The following IL15 variants were observed in gnomAD, a reference collection of about 807,000 sequenced individuals.
IL15 encodes interleukin-15.
A neutral mutation model predicts 19.6 loss-of-function variants in IL15; 11 were observed. The observed-to-expected ratio is 0.56, with a 90% CI of 0.35 to 0.93. IL15 has a LOEUF of 0.93. Among genes scored for constraint, IL15 ranks in the 40% least tolerant of loss-of-function variants. The pLI is 0.01. For synonymous variants in IL15, 58 were observed against 59.6 expected (o/e 0.97, Z 0.12); for missense variants, 197 against 186.5 (o/e 1.06, Z -0.33).
At chr4:141,641,764 A>G (rs1011452592) in intron 1 of IL15, among the ~76,000 whole-genome samples, 2 of 151,518 alleles carry the variant, frequency 1.3e-5, no homozygotes, top group Non-Finnish European at 2.9e-5. Flanking sequence ...TGGGTGCAGC[A>G]CACCAACATG....
intron 5 of IL15, among the ~76,000 whole-genome samples, chr4:141,727,117 A>G (rs946554376): frequency 6.6e-6 from 1 of 152,162 alleles, no homozygotes; most frequent in African/African-American, 2.4e-5. Flanking sequence ...ATATTAATAT[A>G]TGATGATGGG....
rs753218819 is a variant in IL15 at position 141,721,218 on chromosome 4, G to C, written c.110+652G>C. 3 of 810,726 alleles carry C rather than the reference G, an allele frequency of 3.7e-6. No homozygotes were observed. In the South Asian group the frequency reaches 4.2e-5, roughly 11 times the overall value. The allele number at this position is 810,726 out of a possible 1,614,324, so 50.2% of individuals were successfully genotyped here. A position where few individuals can be genotyped will look rare whatever the true frequency, so the allele number is the denominator to read the frequency against. ...AAGACAGATTAGTGTTGACTATCAT[G>C]CTTCTGTGTAAGATCCATCAGGAAG... On this transcript the variant is annotated intron_variant, in intron 4 of 7. Coordinates refer to ENST00000320650, the MANE Select transcript of IL15 (RefSeq NM_000585.5).
At chr4:141,689,028 C>G (rs1728804580) in intron 2 of IL15, 2 of 153,922 alleles carry the variant, frequency 1.3e-5, no homozygotes, top group Admixed American at 1.3e-4. Context: ...AAGCTACAGA[C>G]CTTCGCGGTG....
At chr4:141,664,800 A>C (rs1727914599) in intron 2 of IL15, among the ~76,000 whole-genome samples, 3 of 152,186 alleles carry the variant, frequency 2.0e-5, no homozygotes, top group Admixed American at 2.0e-4. Context: ...TGGGACAGGA[A>C]TTGAAGCCTA....
rs550219795 is a variant in IL15, at chr4:141,725,749, A to T, written c.196-2191A>T. Among the ~76,000 whole-genome samples, 3 of 152,312 alleles carry T rather than the reference A, an allele frequency of 2.0e-5. No homozygotes were observed. The South Asian group carries it at 6.2e-4, about 32-fold the overall frequency. On this transcript the variant is annotated intron_variant, in intron 5 of 7. Transcript: ENST00000320650. ...GTTTTTCTGCTAGGACTGGAAACTA[A>T]GCAGGGATATCTTCTCTCACCACTT...
intron 1 of IL15, among the ~76,000 whole-genome samples, chr4:141,648,865 G>A (rs1727314796): frequency 1.3e-5 from 2 of 152,036 alleles, no homozygotes; most frequent in African/African-American, 4.8e-5. Context: ...AAACCAAAGA[G>A]GCTAACAGCA....
intron 2 of IL15, among the ~76,000 whole-genome samples, chr4:141,660,428 T>C (rs1727747783): frequency 6.6e-6 from 1 of 152,156 alleles, no homozygotes; most frequent in Admixed American, 6.5e-5. Context: ...AGTTAAAGCT[T>C]TTAATTTTGT....
chr4:141,693,842 A>G (rs1309243980), intron 2 of IL15, among the ~76,000 whole-genome samples: 1 of 152,216 alleles, frequency 6.6e-6, no homozygotes, highest in Non-Finnish European at 1.5e-5. Flanking sequence ...TAGCACATAT[A>G]GACTATTTTT....
intron 2 of IL15, among the ~76,000 whole-genome samples, chr4:141,684,325 G>A (rs1305839820): frequency 6.6e-6 from 1 of 152,086 alleles, no homozygotes; most frequent in East Asian, 1.9e-4. Flanking sequence ...ATAGGTAAAC[G>A]ACTGGTCTGA....
chr4:141,655,338 G>A (rs895685444), intron 1 of IL15, among the ~76,000 whole-genome samples: 4 of 151,354 alleles, frequency 2.6e-5, no homozygotes, highest in Admixed American at 6.6e-5. Flanking sequence ...AATTTAAGGC[G>A]GTATTATACA....
chr4:141,729,150 T>A (rs369046057), intron 6 of IL15, among the ~76,000 whole-genome samples: 3 of 152,280 alleles, frequency 2.0e-5, no homozygotes, highest in South Asian at 2.1e-4. Flanking sequence ...TCATTTTTTT[T>A]ATCCATTCAG....
intron 1 of IL15, 114 bp downstream of exon 1, chr4:141,636,862 C>G (rs1291902396): frequency 6.6e-6 from 1 of 152,336 alleles, no homozygotes; most frequent in Admixed American, 6.5e-5. Context: ...CGTTACCCTC[C>G]GGTCTATCCT....
Position 141,727,931 on chromosome 4 carries a change from T to C in IL15, c.196-9T>C, listed in dbSNP as rs1203214989. 1.7e-6 allele frequency: 2 copies of C among 1,171,092 alleles called. No homozygotes were observed. Among genetic ancestry groups the C allele is most frequent in the African/African-American group, 1.5e-5 (1 of 64,790 alleles). The allele number at this position is 1,171,092 out of a possible 1,614,324, so 72.5% of individuals were successfully genotyped here. ...GTTTTTAATATTGTCTAATTTTGTT[T>C]CCTTTCAGTCTATGCATATTGATGC... On this transcript the variant is annotated splice_polypyrimidine_tract_variant and intron_variant, in intron 5 of 7. Transcript: ENST00000320650.
At chr4:141,724,479 A>G (rs72712443) in intron 5 of IL15, among the ~76,000 whole-genome samples, 16,839 of 152,042 alleles carry the variant, frequency 0.11, 1,016 homozygotes, top group Non-Finnish European at 0.14. Context: ...AAGAGCCAAA[A>G]TTAATGAAGT....
chr4:141,646,280 T>C (rs1183913225), intron 1 of IL15, among the ~76,000 whole-genome samples: 1 of 152,058 alleles, frequency 6.6e-6, no homozygotes, highest in Non-Finnish European at 1.5e-5. Context: ...TTAAGTCTCT[T>C]AAGTGATTTG....
chr4:141,675,313 A>G (rs1728306940), intron 2 of IL15, among the ~76,000 whole-genome samples: 1 of 152,246 alleles, frequency 6.6e-6, no homozygotes, highest in Non-Finnish European at 1.5e-5. Flanking sequence ...GAATTTACAC[A>G]TATAAACACT....
At chr4:141,652,237 T>G (rs1164573920) in intron 1 of IL15, among the ~76,000 whole-genome samples, 1 of 152,104 alleles carries the variant, frequency 6.6e-6, no homozygotes, top group Non-Finnish European at 1.5e-5. Flanking sequence ...GATAAAGTAC[T>G]AAAACGGACT....
intron 2 of IL15, among the ~76,000 whole-genome samples, chr4:141,698,128 A>T (rs1485595879): frequency 6.6e-6 from 1 of 152,046 alleles, no homozygotes; most frequent in Non-Finnish European, 1.5e-5. Context: ...TGTTTATGTG[A>T]TGTATCATAT....
rs114174444 is a variant in IL15 at position 141,732,834 on chromosome 4, A to G, written c.475A>G (p.Ile159Val). The G allele has an allele frequency of 2.1e-5, 33 of 1,608,860 alleles. No individual in the cohort carries two copies. The East Asian group carries it at 5.2e-4, about 25-fold the overall frequency. ...QSFVHIVQMF[I>V]NTS Reference sequence around the variant, plus strand: ...TTTTGTACATATTGTCCAAATGTTCATCAACACTTCTTGATTGCAATTGAT... The same window carrying G: ...TTTTGTACATATTGTCCAAATGTTCGTCAACACTTCTTGATTGCAATTGAT... The change falls in exon 8 of 8, where the codon ATC becomes GTC. Residue 159 changes from isoleucine to valine, a missense_variant. Physicochemically the swap from Ile to Val is conservative, Grantham distance 29. Transcript: ENST00000320650.
Sources: allele counts gnomAD v4.1 joint callset (sites outside exome capture counted in the v4.1 genomes callset), GRCh38; gene constraint gnomAD v4.1.1; transcripts MANE v1.5; gene names NCBI Gene and HGNC (gene_info 2026-07-23, HGNC 2026-07-21).